Variants in DOCK11 observed in about 807,000 individuals in gnomAD.
DOCK11 encodes the protein dedicator of cytokinesis protein 11.
In DOCK11, 70 loss-of-function variants were observed where a neutral mutation model predicts 169.1. The ratio of observed to expected loss-of-function variants is 0.41; its 90% CI spans 0.34 to 0.51. The LOEUF (loss-of-function observed/expected upper bound fraction) is 0.51, where lower values mean the gene tolerates loss of function less well. DOCK11 is among the 20% of genes least tolerant of loss of function. The pLI is 0.10. For synonymous variants in DOCK11, 529 were observed against 541.3 expected (o/e 0.98, Z 0.32); for missense variants, 1,166 against 1,538.8 (o/e 0.76, Z 4.05).
intron 6 of DOCK11, among the ~76,000 whole-genome samples, chrX:118,555,773 C>T (rs2012665219): frequency 9.1e-6 from 1 of 110,191 alleles, no homozygotes; most frequent in African/African-American, 3.3e-5. Context: ...AGTTCTAAGA[C>T]CCAGTATGTC....
intron 1 of DOCK11, among the ~76,000 whole-genome samples, chrX:118,519,069 A>T (rs189291207): frequency 4.5e-5 from 5 of 111,924 alleles, no homozygotes; most frequent in South Asian, 3.7e-4. Context: ...ATATTTTTTT[A>T]AAAAAACTTT....
At chrX:118,529,594 C>T (rs893250111) in intron 1 of DOCK11, among the ~76,000 whole-genome samples, 5 of 111,823 alleles carry the variant, frequency 4.5e-5, no homozygotes, top group Non-Finnish European at 9.4e-5. Context: ...AATAAGACAA[C>T]GACACTACAA....
At chrX:118,624,160 C>G (rs1428936550) in intron 31 of DOCK11, among the ~76,000 whole-genome samples, 2 of 112,902 alleles carry the variant, frequency 1.8e-5, no homozygotes, top group Non-Finnish European at 3.7e-5. Context: ...GCTATGTGCC[C>G]AGGCATTGGG....
intron 1 of DOCK11, among the ~76,000 whole-genome samples, chrX:118,519,443 G>A (rs2057709474): frequency 8.9e-6 from 1 of 111,921 alleles, no homozygotes; most frequent in South Asian, 3.7e-4. Flanking sequence ...CCAGCTACTC[G>A]GGTGGTGGAG....
Position 118,584,707 on chromosome X carries a change from T to TAA in DOCK11, c.1596-22_1596-21dup, listed in dbSNP as rs35145775. On this transcript the variant is annotated intron_variant, in intron 14 of 52. Transcript: ENST00000276202. ...TTTATCAACATGGAATTTTTTTTTT[T>TAA]AAAAAAATGCTTCTGTTGCTGTTTT... 1.2e-4 allele frequency: 134 copies of TAA among 1,086,352 alleles called. 3 individuals are homozygous for TAA. The highest frequency in any genetic ancestry group is 8.2e-4 in the Admixed American group (24 of 29,372). 89.5% of individuals were successfully genotyped at this position (1,086,352 alleles called of 1,213,427 possible). A position where few individuals can be genotyped will look rare whatever the true frequency, so the allele number is the denominator to read the frequency against.
chrX:118,585,655 G>A (rs1216172352), intron 16 of DOCK11, among the ~76,000 whole-genome samples: 1 of 108,952 alleles, frequency 9.2e-6, no homozygotes, highest in Non-Finnish European at 1.9e-5. Context: ...TACAGATTAG[G>A]AAGTGAATTG....
chrX:118,634,381 C>T (rs1362184658), intron 35 of DOCK11, among the ~76,000 whole-genome samples: 1 of 112,643 alleles, frequency 8.9e-6, no homozygotes, highest in African/African-American at 3.2e-5. Context: ...AAGAAAATGG[C>T]GGACTTGCAG....
chrX:118,593,128 G>A, intron 19 of DOCK11, 86 bp from the exon 20 acceptor site: 1 of 998,989 alleles, frequency 1.0e-6, no homozygotes, highest in South Asian at 2.6e-5. Context: ...AAGTATTTTT[G>A]GAGCAGTATG....
rs754442346 is a variant in DOCK11 at position 118,601,960 on chromosome X, T to C, written c.2562+2732T>C. Among the ~76,000 whole-genome samples, 391 of 106,239 alleles carry C rather than the reference T, an allele frequency of 3.7e-3. 1 individual carries two copies. Among genetic ancestry groups the C allele is most frequent in the African/African-American group, 0.013 (377 of 29,445 alleles). The allele number at this position is 106,239 out of a possible 115,157, so 92.3% of individuals were successfully genotyped here. On this transcript the variant is annotated intron_variant, in intron 23 of 52. Coordinates refer to ENST00000276202, the MANE Select transcript of DOCK11 (RefSeq NM_144658.4). ...GCCCAGCTAATTTTTTTTTTTTTTT[T>C]GTATTTTTTAGTAGAGATGGGGTTT...
At chrX:118,680,750 G>A (rs1333311028) in intron 49 of DOCK11, 58 bp downstream of exon 49, 3 of 952,595 alleles carry the variant, frequency 3.1e-6, no homozygotes, top group Non-Finnish European at 4.3e-6. Flanking sequence ...CAGCATACAC[G>A]AGTAGCAGCT....
chrX:118,524,547 A>C (rs1569406355), intron 1 of DOCK11, among the ~76,000 whole-genome samples: 1 of 111,633 alleles, frequency 9.0e-6, no homozygotes, highest in South Asian at 3.7e-4. Flanking sequence ...CAACAACAAC[A>C]AACTTGATTT....
intron 37 of DOCK11, among the ~76,000 whole-genome samples, chrX:118,638,632 A>G (rs186861810): frequency 6.7e-4 from 75 of 112,241 alleles, no homozygotes; most frequent in Middle Eastern, 9.2e-3. Context: ...TTTCAATGAG[A>G]TGTATTTTAG....
chrX:118,517,861 C>A (rs931935818), intron 1 of DOCK11, among the ~76,000 whole-genome samples: 1 of 111,574 alleles, frequency 9.0e-6, no homozygotes, highest in South Asian at 3.6e-4. Flanking sequence ...TAGATATTTG[C>A]CTGTACATCC....
chrX:118,525,170 T>C (rs933113546), intron 1 of DOCK11, among the ~76,000 whole-genome samples: 1 of 101,531 alleles, frequency 9.8e-6, no homozygotes, highest in Admixed American at 1.0e-4. Context: ...TATTACCATA[T>C]AACCCAGCAA....
chrX:118,618,862 G>GT, intron 31 of DOCK11, 134 bp downstream of exon 31: 1 of 521,529 alleles, frequency 1.9e-6, no homozygotes, highest in Non-Finnish European at 2.8e-6. Flanking sequence ...CAAATCATAA[G>GT]TTGTTTTTTT....
At chrX:118,650,052 G>C (rs1433042490) in intron 41 of DOCK11, among the ~76,000 whole-genome samples, 1 of 111,621 alleles carries the variant, frequency 9.0e-6, no homozygotes, top group Non-Finnish European at 1.9e-5. Flanking sequence ...AAAAATGAGA[G>C]ATGTGTCAAG....
intron 39 of DOCK11, among the ~76,000 whole-genome samples, chrX:118,641,515 G>T (rs1026546480): frequency 5.4e-5 from 6 of 111,594 alleles, no homozygotes; most frequent in African/African-American, 1.6e-4. Context: ...GGACTAACTT[G>T]CCCTTAAGCT....
intron 6 of DOCK11, among the ~76,000 whole-genome samples, chrX:118,547,588 T>G (rs2012332837): frequency 1.8e-5 from 2 of 112,169 alleles, no homozygotes; most frequent in South Asian, 7.3e-4. Context: ...TGCTAACTAT[T>G]CTTAGTTTAT....
rs961205660 is a variant in DOCK11, at chrX:118,614,834, G to A, written c.3180+59G>A. On this transcript the variant is annotated intron_variant, in intron 29 of 52. Transcript: ENST00000276202. ...AGACATCTGAGCATAAGACCAAAGT[G>A]ACATTTATTCTCTTCTAGGGGATTA... The A allele has an allele frequency of 1.0e-4, 83 of 826,752 alleles. No individual in the cohort carries two copies. The African/African-American group carries it at 1.4e-3, about 14-fold the overall frequency. The allele number at this position is 826,752 out of a possible 1,213,427, so 68.1% of individuals were successfully genotyped here. A position where few individuals can be genotyped will look rare whatever the true frequency, so the allele number is the denominator to read the frequency against.
Sources: gnomAD v4.1 joint callset for allele counts (sites outside exome capture counted in the v4.1 genomes callset) on GRCh38, gnomAD v4.1.1 for gene constraint, MANE v1.5 for transcripts, NCBI Gene and HGNC (gene_info 2026-07-23, HGNC 2026-07-21) for gene names.